KCTD6: variants seen among roughly 807,000 people sequenced by gnomAD.
KCTD6 encodes the protein BTB/POZ domain-containing protein KCTD6.
A neutral mutation model predicts 18.7 loss-of-function variants in KCTD6; 6 were observed. The observed-to-expected ratio is 0.32, with a 90% CI of 0.18 to 0.63. The LOEUF (loss-of-function observed/expected upper bound fraction) is 0.63. Ranked by LOEUF, KCTD6 falls within the 30% of genes least tolerant of loss-of-function variation. KCTD6 has a pLI of 0.79. For missense variants in KCTD6, 165 were observed against 300.2 expected (o/e 0.55, Z 3.33); for synonymous variants, 86 against 108.5 (o/e 0.79, Z 1.29).
At chr3:58,495,933 A>G (rs2063173427) in intron 1 of KCTD6, among the ~76,000 whole-genome samples, 1 of 151,410 alleles carries the variant, frequency 6.6e-6, no homozygotes, top group African/African-American at 2.4e-5. Flanking sequence ...ATTTAGCAGT[A>G]AAAAAGAAAA....
Position 58,498,551 on chromosome 3 carries a change from G to A in KCTD6, c.-43-162G>A, listed in dbSNP as rs548080051. ...ACAGGACATGTAGAAGGCCCTAGGG[G>A]AATGCTTTCTTCCCCAGATCTTTGC... On this transcript the variant is annotated intron_variant, in intron 1 of 2. Transcript: ENST00000404589. This position sits in a 1 kb window ranked among gnomAD's most constrained non-coding sequence, Gnocchi z 4.6. The A allele has an allele frequency of 1.7e-6, 1 of 591,456 alleles. No homozygotes were observed. The highest frequency in any genetic ancestry group is 3.0e-5 in the East Asian group (1 of 33,700). The allele number at this position is 591,456 out of a possible 1,614,324, so 36.6% of individuals were successfully genotyped here. A position where few individuals can be genotyped will look rare whatever the true frequency, so the allele number is the denominator to read the frequency against.
intron 1 of KCTD6, among the ~76,000 whole-genome samples, chr3:58,495,789 G>GAAT (rs2063172719): frequency 6.6e-6 from 1 of 151,858 alleles, no homozygotes. Flanking sequence ...TTGCTTTCCT[G>GAAT]AATTATTAAG....
At chr3:58,500,392 C>T (rs2063199870) in intron 2 of KCTD6, 1 of 151,222 alleles carries the variant, frequency 6.6e-6, no homozygotes, top group Non-Finnish European at 1.5e-5. Flanking sequence ...TCCCAAAGTG[C>T]TAGGATTACA....
rs568725536 is a variant in KCTD6 at position 58,493,108 on chromosome 3, C to T, written c.-44+939C>T. ...GAATCATCCTGGGATAGGAGAGAAG[C>T]TTGGGGACAGCATGTAGCACAGTCC... is the stretch of plus-strand genomic sequence containing the variant. On this transcript the variant is annotated intron_variant, in intron 1 of 2. Transcript: ENST00000404589. The surrounding 1 kb of genome is among the most constrained non-coding windows in gnomAD (Gnocchi z 4.5). Among the ~76,000 whole-genome samples, 8 of 152,268 alleles carry T rather than the reference C, an allele frequency of 5.3e-5. No individual in the cohort carries two copies. The highest frequency in any genetic ancestry group is 3.3e-4 in the Admixed American group (5 of 15,294).
chr3:58,500,297 T>TG (rs2063199324), intron 2 of KCTD6: 1 of 110,660 alleles, frequency 9.0e-6, no homozygotes, highest in Admixed American at 9.3e-5. Context: ...TTTTTTTTTT[T>TG]GTATTTTTAA....
chr3:58,493,050 C>CT lies in KCTD6; in HGVS notation c.-44+888dup, dbSNP rs1282772490. Among the ~76,000 whole-genome samples, 2 of 152,126 alleles carry CT rather than the reference C, an allele frequency of 1.3e-5. No individual in the cohort carries two copies. Among genetic ancestry groups the CT allele is most frequent in the East Asian group, 3.8e-4 (2 of 5,198 alleles). On this transcript the variant is annotated intron_variant, in intron 1 of 2. Coordinates refer to ENST00000404589, the MANE Select transcript of KCTD6 (RefSeq NM_001128214.2). This position sits in a 1 kb window ranked among gnomAD's most constrained non-coding sequence, Gnocchi z 4.5. ...CTCTTCTATATCCCCCTGGCATGTT[C>CT]TTTTTTTCGCTGTCACAAATGCCCT...
chr3:58,494,943 C>A (rs958102878), intron 1 of KCTD6, among the ~76,000 whole-genome samples: 11 of 152,108 alleles, frequency 7.2e-5, no homozygotes, highest in Non-Finnish European at 1.3e-4. Flanking sequence ...GCTTTATATT[C>A]TTTGGGGAGT....
chr3:58,494,042 C>T (rs1312764458), intron 1 of KCTD6: 1 of 152,058 alleles, frequency 6.6e-6, no homozygotes, highest in African/African-American at 2.4e-5. Flanking sequence ...GGTATTATCC[C>T]GTTTTATCTT....
intron 2 of KCTD6, among the ~76,000 whole-genome samples, chr3:58,500,059 A>G (rs2063197871): frequency 3.3e-5 from 5 of 152,088 alleles, no homozygotes. Context: ...ATTTGAAAGT[A>G]TCACTTCCAT....
chr3:58,494,194 T>G (rs1483506731), intron 1 of KCTD6: 1 of 152,208 alleles, frequency 6.6e-6, no homozygotes, highest in African/African-American at 2.4e-5. Flanking sequence ...TGATTACTTG[T>G]AGAGAAAAAT....
rs751693797 is a variant in KCTD6 at position 58,493,716 on chromosome 3, A to C, written c.-44+1547A>C. Among the ~76,000 whole-genome samples the C allele has an allele frequency of 5.9e-5, 9 of 152,156 alleles. No individual in the cohort carries two copies. The highest frequency in any genetic ancestry group is 9.7e-5 in the African/African-American group (4 of 41,440). On this transcript the variant is annotated intron_variant, in intron 1 of 2. Coordinates refer to ENST00000404589, the MANE Select transcript of KCTD6 (RefSeq NM_001128214.2). The surrounding 1 kb of genome is among the most constrained non-coding windows in gnomAD (Gnocchi z 4.5). ...AATGCTCTAAATTACTTGTGTTCAC[A>C]CTCAAGTTTCTCATGTTAACCTAGA...
chr3:58,494,501 ACT>A (rs1182377759), intron 1 of KCTD6: 2 of 152,050 alleles, frequency 1.3e-5, no homozygotes, highest in African/African-American at 4.8e-5. Flanking sequence ...CTGCCTGGAA[ACT>A]CTGGGAAGTC....
chr3:58,494,559 A>G (rs1270683325), intron 1 of KCTD6, among the ~76,000 whole-genome samples: 2 of 152,240 alleles, frequency 1.3e-5, no homozygotes, highest in East Asian at 1.9e-4. Context: ...TTATTGCAAC[A>G]TATAGGTAGT....
At position 58,492,969 on chromosome 3, in the gene KCTD6, C is replaced by G. The variant is rs913501958; in HGVS notation, c.-44+800C>G. ...TTTGTGATAGAAGAGGTTTGGGTGGCAAAGTGACCTGGGATGACCCGGCTC... is the reference window on the plus strand; with the variant it reads ...TTTGTGATAGAAGAGGTTTGGGTGGGAAAGTGACCTGGGATGACCCGGCTC... On this transcript the variant is annotated intron_variant, in intron 1 of 2. Transcript: ENST00000404589. The surrounding 1 kb of genome is among the most constrained non-coding windows in gnomAD (Gnocchi z 6.1). 1.3e-5 allele frequency among the ~76,000 whole-genome samples: 2 copies of G among 152,168 alleles called. No individual in the cohort carries two copies. Among genetic ancestry groups the G allele is most frequent in the Non-Finnish European group, 2.9e-5 (2 of 68,034 alleles).
At position 58,498,164 on chromosome 3, in the gene KCTD6, G is replaced by C. The variant is rs2063188371; in HGVS notation, c.-43-549G>C. On this transcript the variant is annotated intron_variant, in intron 1 of 2. Coordinates refer to ENST00000404589, the MANE Select transcript of KCTD6 (RefSeq NM_001128214.2). This position sits in a 1 kb window ranked among gnomAD's most constrained non-coding sequence, Gnocchi z 4.6. The stretch of plus-strand genomic sequence containing the variant: ...GCCCAGCTAATTTTTTGTATTTTTA[G>C]TAGAGATGGGGTTTCACTATGTTGG... 1 of 152,044 alleles carries C rather than the reference G, an allele frequency of 6.6e-6. No individual in the cohort carries two copies. Among genetic ancestry groups the C allele is most frequent in the Non-Finnish European group, 1.5e-5 (1 of 68,098 alleles). The allele number at this position is 152,044 out of a possible 1,614,324, so 9.4% of individuals were successfully genotyped here.
rs1042027285 is a variant in KCTD6, at chr3:58,502,125, T to C, written c.*493T>C. The C allele has an allele frequency of 6.6e-6, 1 of 152,648 alleles. No individual in the cohort carries two copies. The highest frequency in any genetic ancestry group is 2.4e-5 in the African/African-American group (1 of 41,456). The allele number at this position is 152,648 out of a possible 1,614,324, so 9.5% of individuals were successfully genotyped here. A position where few individuals can be genotyped will look rare whatever the true frequency, so the allele number is the denominator to read the frequency against. On this transcript the variant is annotated 3_prime_UTR_variant, in exon 3 of 3. Coordinates refer to ENST00000404589, the MANE Select transcript of KCTD6 (RefSeq NM_001128214.2). Reference sequence around the variant, plus strand: ...TGTTCCAATCATTTAAAAGTACTTATTAAGTACTGCTTTTTACAGTTATGA... The same window carrying C: ...TGTTCCAATCATTTAAAAGTACTTACTAAGTACTGCTTTTTACAGTTATGA...
Position 58,498,821 on chromosome 3 carries a change from AT to A in KCTD6, c.27+41del. 2 of 1,560,466 alleles carry A rather than the reference AT, an allele frequency of 1.3e-6. No homozygotes were observed. On this transcript the variant is annotated intron_variant, in intron 2 of 2. Transcript: ENST00000404589. This position sits in a 1 kb window ranked among gnomAD's most constrained non-coding sequence, Gnocchi z 4.6. ...GGAGATGCATTTTGAAGGCTGGGGA[AT>A]TATTTTTGTGTGTCTTTTTATCCTT...
In KCTD6 at chr3:58,492,541, C is replaced by T. The variant is rs2063159642; in HGVS notation, c.-44+372C>T. On this transcript the variant is annotated intron_variant, in intron 1 of 2. Transcript: ENST00000404589. The surrounding 1 kb of genome is among the most constrained non-coding windows in gnomAD (Gnocchi z 6.1). ...TGGCGGGGCAGCAGCGAAGGGCGGC[C>T]CGGACGGAGATATTTGGGGTGTGCT... Among the ~76,000 whole-genome samples, 1 of 151,978 alleles carries T rather than the reference C, an allele frequency of 6.6e-6. No individual in the cohort carries two copies. The highest frequency in any genetic ancestry group is 2.1e-4 in the South Asian group (1 of 4,832).
At chr3:58,495,035 C>T (rs943764981) in intron 1 of KCTD6, among the ~76,000 whole-genome samples, 2 of 152,264 alleles carry the variant, frequency 1.3e-5, no homozygotes, top group Middle Eastern at 3.4e-3. Context: ...GGGTCAGAGG[C>T]TTCTTTGAAT....
Sources: allele counts gnomAD v4.1 joint callset (sites outside exome capture counted in the v4.1 genomes callset), GRCh38; gene constraint gnomAD v4.1.1; non-coding constraint Gnocchi (gnomAD v3.1); transcripts MANE v1.5; gene names NCBI Gene and HGNC (gene_info 2026-07-23, HGNC 2026-07-21).